SULF1: variants seen among roughly 807,000 people sequenced by gnomAD.
SULF1 encodes extracellular sulfatase Sulf-1.
SULF1 carries 46 observed loss-of-function variants against 110.5 expected under a neutral mutation model. That is an observed-to-expected ratio of 0.42 (90% CI 0.33 to 0.53). SULF1 has a LOEUF of 0.53. Ranked by LOEUF, SULF1 falls within the 20% of genes least tolerant of loss-of-function variation. SULF1 has a pLI of 0.12. For synonymous variants in SULF1, 371 were observed against 387.1 expected (o/e 0.96, Z 0.49); for missense variants, 941 against 1,094.2 (o/e 0.86, Z 1.98).
intron 6 of SULF1, among the ~76,000 whole-genome samples, chr8:69,584,935 T>C (rs1343222571): frequency 1.3e-5 from 2 of 152,230 alleles, no homozygotes; most frequent in East Asian, 1.9e-4. Context: ...TTAAGACCAA[T>C]GTCAATAAAG....
chr8:69,630,177 T>A (rs1244709399), intron 19 of SULF1, among the ~76,000 whole-genome samples: 1 of 152,258 alleles, frequency 6.6e-6, no homozygotes, highest in African/African-American at 2.4e-5. Flanking sequence ...GAATAATAGA[T>A]ACTCTACAAA....
intron 1 of SULF1, among the ~76,000 whole-genome samples, chr8:69,482,091 G>C (rs377747707): frequency 6.6e-6 from 1 of 152,148 alleles, no homozygotes; most frequent in African/African-American, 2.4e-5. Context: ...ATAGCAAACT[G>C]TTGAAATGAG....
At chr8:69,579,574 A>G (rs1805918403) in intron 6 of SULF1, among the ~76,000 whole-genome samples, 1 of 151,976 alleles carries the variant, frequency 6.6e-6, no homozygotes, top group Non-Finnish European at 1.5e-5. Flanking sequence ...CAAAAAAAAA[A>G]AAAAATGGGA....
chr8:69,476,634 C>T (rs1209623222), intron 1 of SULF1, among the ~76,000 whole-genome samples: 1 of 152,206 alleles, frequency 6.6e-6, no homozygotes, highest in African/African-American at 2.4e-5. Context: ...TTAATGAAGA[C>T]TTTGGCCTGT....
At chr8:69,552,652 G>A (rs965734707) in intron 3 of SULF1, among the ~76,000 whole-genome samples, 4 of 152,148 alleles carry the variant, frequency 2.6e-5, no homozygotes, top group African/African-American at 9.7e-5. Flanking sequence ...AGTTTTACAG[G>A]ATTTATTGAT....
chr8:69,566,783 G>C (rs1025673919), intron 5 of SULF1, among the ~76,000 whole-genome samples: 3 of 152,094 alleles, frequency 2.0e-5, no homozygotes. Context: ...CCGTGAGGCA[G>C]AGGTTGCAGT....
At chr8:69,573,714 T>C (rs370623450) in intron 5 of SULF1, among the ~76,000 whole-genome samples, 3 of 152,282 alleles carry the variant, frequency 2.0e-5, no homozygotes, top group Admixed American at 6.5e-5. Flanking sequence ...CACTTCTACA[T>C]CTCCGTTCAT....
intron 3 of SULF1, among the ~76,000 whole-genome samples, chr8:69,518,757 T>G (rs1006437695): frequency 3.9e-5 from 6 of 152,206 alleles, no homozygotes; most frequent in Admixed American, 1.3e-4. Flanking sequence ...GCCGACTGGC[T>G]GTGTGAAGTG....
chr8:69,516,230 C>T (rs1313746023), intron 3 of SULF1, among the ~76,000 whole-genome samples: 1 of 152,122 alleles, frequency 6.6e-6, no homozygotes, highest in South Asian at 2.1e-4. Flanking sequence ...ATTTAATTGG[C>T]TCACAACTCT....
chr8:69,577,196 G>T (rs1805670242), intron 6 of SULF1, among the ~76,000 whole-genome samples: 1 of 152,220 alleles, frequency 6.6e-6, no homozygotes, highest in South Asian at 2.1e-4. Flanking sequence ...GCGTAGGAAA[G>T]AAACTAGGTT....
chr8:69,548,788 C>CCAAAA (rs372214784), intron 3 of SULF1, among the ~76,000 whole-genome samples: 4,427 of 151,636 alleles, frequency 0.029, 189 homozygotes, highest in African/African-American at 0.095. Flanking sequence ...GGACCCAGAG[C>CCAAAA]CAAAACAAAA....
chr8:69,590,513 C>G (rs1380355756), intron 8 of SULF1, among the ~76,000 whole-genome samples: 1 of 152,190 alleles, frequency 6.6e-6, no homozygotes, highest in Middle Eastern at 3.2e-3. Flanking sequence ...TGACTTATGA[C>G]TCCTGGTCAG....
At chr8:69,604,742 G>A (rs1455863224) in intron 12 of SULF1, 61 bp from the exon 13 acceptor site, 6 of 1,595,858 alleles carry the variant, frequency 3.8e-6, no homozygotes, top group Non-Finnish European at 5.1e-6. Flanking sequence ...AAGGGGGCAG[G>A]ACTCAGGGAC....
chr8:69,628,350 G>C lies in SULF1; in HGVS notation c.2108+114G>C. ...CTGCAGTGCCGCTTCAGAAGAAGTA[G>C]ATCCATCTAGGAGGGCACCTAGCTC... On this transcript the variant is annotated intron_variant, in intron 18 of 22. Coordinates refer to ENST00000402687, the MANE Select transcript of SULF1 (RefSeq NM_001128205.2). The C allele has an allele frequency of 5.7e-6, 5 of 874,802 alleles. No individual in the cohort carries two copies. The South Asian group carries it at 7.4e-5, about 13-fold the overall frequency. 54.2% of individuals were successfully genotyped at this position (874,802 alleles called of 1,614,324 possible).
intron 13 of SULF1, among the ~76,000 whole-genome samples, chr8:69,618,437 G>A (rs1809348756): frequency 6.6e-6 from 1 of 152,158 alleles, no homozygotes; most frequent in Non-Finnish European, 1.5e-5. Context: ...GATATTACAA[G>A]TAATGTAGAG....
intron 1 of SULF1, among the ~76,000 whole-genome samples, chr8:69,468,926 G>A (rs1808970286): frequency 6.6e-6 from 1 of 152,116 alleles, no homozygotes; most frequent in South Asian, 2.1e-4. Context: ...TCGATCACAG[G>A]GCTGCCTGGA....
chr8:69,540,361 A>G (rs73291546), intron 3 of SULF1, among the ~76,000 whole-genome samples: 10,942 of 152,264 alleles, frequency 0.072, 732 homozygotes, highest in East Asian at 0.38. Flanking sequence ...TTGCATTTAT[A>G]AAATGTTTCA....
chr8:69,490,037 T>A (rs146115483), upstream of SULF1, among the ~76,000 whole-genome samples: 2 of 152,018 alleles, frequency 1.3e-5, no homozygotes, highest in Non-Finnish European at 2.9e-5. Context: ...GCTGGGCCTG[T>A]CATCCTTAGT....
chr8:69,651,287 A>G (rs1207496577), intron 22 of SULF1, among the ~76,000 whole-genome samples: 9 of 152,056 alleles, frequency 5.9e-5, no homozygotes, highest in Non-Finnish European at 7.4e-5. Context: ...TCCTGACCTC[A>G]GGTGATCCGC....
Sources: gnomAD v4.1 joint callset for allele counts (sites outside exome capture counted in the v4.1 genomes callset) on GRCh38, gnomAD v4.1.1 for gene constraint, MANE v1.5 for transcripts, NCBI Gene and HGNC (gene_info 2026-07-23, HGNC 2026-07-21) for gene names.